Variants in CDC42SE2 observed in about 807,000 individuals in gnomAD.
CDC42SE2 encodes the protein CDC42 small effector 2, also known as CDC42 small effector protein 2.
CDC42SE2 carries 3 observed loss-of-function variants against 11.5 expected under a neutral mutation model. The observed-to-expected ratio is 0.26, with a 90% CI of 0.12 to 0.67. The LOEUF (loss-of-function observed/expected upper bound fraction) is 0.67. CDC42SE2 is among the 30% of genes least tolerant of loss of function. The probability of loss-of-function intolerance (pLI) is 0.80; values close to 1 mark genes in which losing one functional copy is unlikely to be tolerated. For synonymous variants in CDC42SE2, 33 were observed against 34.8 expected, an observed-to-expected ratio of 0.95 and a Z score of 0.18; for missense variants, 82 against 106.8, an observed-to-expected ratio of 0.77 and a Z score of 1.02.
upstream of CDC42SE2, among the ~76,000 whole-genome samples, chr5:131,241,531 A>C (rs1756540745): frequency 6.6e-6 from 1 of 152,212 alleles, no homozygotes; most frequent in Non-Finnish European, 1.5e-5. Context: ...TATAAAAGTC[A>C]ACAAGTTACA....
Position 131,365,602 on chromosome 5 carries a change from T to A in CDC42SE2, c.54+6055T>A, listed in dbSNP as rs765346477. On this transcript the variant is annotated intron_variant, in intron 3 of 4. Coordinates refer to ENST00000505065, the MANE Select transcript of CDC42SE2 (RefSeq NM_001375635.1). ...CTGAAAACACAAATGTGCATGTTCCTGATTTAATTTCACACATCACATTAT... is the reference window on the plus strand; with the variant it reads ...CTGAAAACACAAATGTGCATGTTCCAGATTTAATTTCACACATCACATTAT... Among the ~76,000 whole-genome samples, 197 of 152,362 alleles carry A rather than the reference T, an allele frequency of 1.3e-3. 1 individual carries two copies. The highest frequency in any genetic ancestry group is 1.3e-3 in the Admixed American group (20 of 15,296).
chr5:131,278,942 G>A (rs148592401), intron 1 of CDC42SE2, among the ~76,000 whole-genome samples: 7,849 of 148,308 alleles, frequency 0.053, 367 homozygotes, highest in African/African-American at 0.12. Context: ...GCACCACCAC[G>A]CCCGACTAAT....
At chr5:131,376,236 CA>C (rs1380741289) in intron 3 of CDC42SE2, among the ~76,000 whole-genome samples, 4,696 of 135,626 alleles carry the variant, frequency 0.035, 188 homozygotes, top group African/African-American at 0.1. Flanking sequence ...ACTCTTGTCT[CA>C]AAAAAAAAAA....
intron 2 of CDC42SE2, among the ~76,000 whole-genome samples, chr5:131,335,649 C>A (rs1258982322): frequency 2.0e-5 from 3 of 152,198 alleles, no homozygotes; most frequent in Non-Finnish European, 4.4e-5. Flanking sequence ...AATCTGGGTG[C>A]TCCTGTATTG....
rs140786626 is a variant in CDC42SE2 at position 131,268,791 on chromosome 5, G to T, written c.-455+4625G>T. ...TTTTTTTTTTGAGACAGAGTCTGTCGCCAGGCTGGAGTGCAGTGGTCCCAT... is the reference window on the plus strand; with the variant it reads ...TTTTTTTTTTGAGACAGAGTCTGTCTCCAGGCTGGAGTGCAGTGGTCCCAT... On this transcript the variant is annotated intron_variant, in intron 1 of 4. Coordinates refer to ENST00000505065, the MANE Select transcript of CDC42SE2 (RefSeq NM_001375635.1). Among the ~76,000 whole-genome samples the T allele has an allele frequency of 3.2e-3, 399 of 125,082 alleles. 4 individuals carry two copies. Among genetic ancestry groups the T allele is most frequent in the African/African-American group, 0.012 (390 of 31,950 alleles). 82.1% of individuals were successfully genotyped at this position (125,082 alleles called of 152,430 possible).
At chr5:131,314,925 A>G (rs1349103250) in intron 1 of CDC42SE2, among the ~76,000 whole-genome samples, 2 of 152,204 alleles carry the variant, frequency 1.3e-5, no homozygotes, top group African/African-American at 4.8e-5. Context: ...TCAGCAAAGT[A>G]ATTGATTATG....
At chr5:131,232,780 T>G in the CDC42SE2 span, among the ~76,000 whole-genome samples, 1 of 150,840 alleles carries the variant, frequency 6.6e-6, no homozygotes, top group African/African-American at 2.4e-5. Context: ...TATCCCGTCT[T>G]TAAAATAGCT....
chr5:131,254,315 G>A (rs913862349), intron 1 of CDC42SE2, among the ~76,000 whole-genome samples: 12 of 152,142 alleles, frequency 7.9e-5, no homozygotes, highest in Non-Finnish European at 1.3e-4. Context: ...CCTGACGCGG[G>A]TGGATCACTT....
Position 131,393,254 on chromosome 5 carries a change from T to C in CDC42SE2, c.*2163T>C, listed in dbSNP as rs1410232823. 6.6e-6 allele frequency: 1 copy of C among 152,376 alleles called. No individual in the cohort carries two copies. The highest frequency in any genetic ancestry group is 1.5e-5 in the Non-Finnish European group (1 of 68,042). The allele number at this position is 152,376 out of a possible 1,614,324, so 9.4% of individuals were successfully genotyped here. On this transcript the variant is annotated 3_prime_UTR_variant, in exon 5 of 5. Transcript: ENST00000505065. ...CTTCATTTACCTTAGTCCAAGATTC[T>C]TGCAAAACAGGCAACTGAACAAACA... is the stretch of plus-strand genomic sequence containing the variant.
chr5:131,277,215 C>T (rs1057239214), intron 1 of CDC42SE2, among the ~76,000 whole-genome samples: 1 of 152,104 alleles, frequency 6.6e-6, no homozygotes, highest in Non-Finnish European at 1.5e-5. Context: ...CACACATAAC[C>T]ATCTTGGATT....
intron 3 of CDC42SE2, among the ~76,000 whole-genome samples, chr5:131,377,231 T>G (rs1750180511): frequency 1.3e-5 from 2 of 151,504 alleles, no homozygotes; most frequent in Admixed American, 6.6e-5. Context: ...TGGAGTGATG[T>G]GATCTTGACT....
In CDC42SE2 at chr5:131,388,949, C is replaced by T. The variant is rs112167858; in HGVS notation, c.157-2044C>T. 7.8e-3 allele frequency among the ~76,000 whole-genome samples: 1,182 copies of T among 152,240 alleles called. 15 individuals carry two copies. The highest frequency in any genetic ancestry group is 0.027 in the African/African-American group (1,126 of 41,536). On this transcript the variant is annotated intron_variant, in intron 4 of 4. Coordinates refer to ENST00000505065, the MANE Select transcript of CDC42SE2 (RefSeq NM_001375635.1). Reference sequence around the variant, plus strand: ...CTAGGCTCAATCGATCATCCTGCCTCAGCCTCCCCCAGTAGCTGGGACTAC... The same window carrying T: ...CTAGGCTCAATCGATCATCCTGCCTTAGCCTCCCCCAGTAGCTGGGACTAC...
chr5:131,254,171 C>T (rs1459907014), intron 1 of CDC42SE2, among the ~76,000 whole-genome samples: 1 of 152,204 alleles, frequency 6.6e-6, no homozygotes, highest in Non-Finnish European at 1.5e-5. Flanking sequence ...TCTCCTAATG[C>T]TATCCCTTCC....
the CDC42SE2 span, among the ~76,000 whole-genome samples, chr5:131,237,062 T>C: frequency 6.6e-6 from 1 of 152,238 alleles, no homozygotes; most frequent in Non-Finnish European, 1.5e-5. Flanking sequence ...AATAAAATTG[T>C]TTGTGGGAGA....
intron 2 of CDC42SE2, among the ~76,000 whole-genome samples, chr5:131,258,439 A>G (rs1756695582): frequency 6.6e-6 from 1 of 152,168 alleles, no homozygotes; most frequent in Non-Finnish European, 1.5e-5. Context: ...TTAGTCTGTA[A>G]CTTGACATAG....
At chr5:131,259,338 G>C (rs1238449244), upstream of CDC42SE2, among the ~76,000 whole-genome samples, 12 of 152,026 alleles carry the variant, frequency 7.9e-5, no homozygotes, top group Admixed American at 7.9e-4. Flanking sequence ...TGAATAATTT[G>C]TTTCTTGGAG....
chr5:131,341,328 A>T (rs969547411), intron 2 of CDC42SE2, among the ~76,000 whole-genome samples: 1 of 152,182 alleles, frequency 6.6e-6, no homozygotes, highest in Admixed American at 6.5e-5. Context: ...AAGGAAGGAA[A>T]ATTGGAATGT....
intron 1 of CDC42SE2, among the ~76,000 whole-genome samples, chr5:131,294,779 G>A (rs1370717798): frequency 6.6e-6 from 1 of 152,098 alleles, no homozygotes; most frequent in Non-Finnish European, 1.5e-5. Flanking sequence ...ATCACTTGAG[G>A]TCAGGAGTTC....
chr5:131,355,608 G>A (rs1405128255), intron 2 of CDC42SE2, among the ~76,000 whole-genome samples: 1 of 152,136 alleles, frequency 6.6e-6, no homozygotes, highest in African/African-American at 2.4e-5. Flanking sequence ...AACTGTCACA[G>A]ATCTTTTATT....
Sources: allele counts gnomAD v4.1 joint callset (sites outside exome capture counted in the v4.1 genomes callset), GRCh38; gene constraint gnomAD v4.1.1; transcripts MANE v1.5; gene names NCBI Gene and HGNC (gene_info 2026-07-23, HGNC 2026-07-21).